Variants in HSPA12A observed in about 807,000 individuals in gnomAD.
The protein encoded by HSPA12A is heat shock 70 kDa protein 12A.
HSPA12A carries 28 observed loss-of-function variants against 69.2 expected under a neutral mutation model. That is an observed-to-expected ratio of 0.40 (90% CI 0.30 to 0.55). HSPA12A has a LOEUF of 0.55. Ranked by LOEUF, HSPA12A falls within the 20% of genes least tolerant of loss-of-function variation. The pLI is 0.38. For synonymous variants in HSPA12A, 345 were observed against 370.5 expected, an observed-to-expected ratio of 0.93 and a Z score of 0.79; for missense variants, 686 against 900.7, an observed-to-expected ratio of 0.76 and a Z score of 3.05.
chr10:116,777,442 C>T (rs1239113577), intron 2 of HSPA12A, among the ~76,000 whole-genome samples: 1 of 152,230 alleles, frequency 6.6e-6, no homozygotes, highest in Non-Finnish European at 1.5e-5. Context: ...CTGGCCTCTT[C>T]CTCCTCCTTC....
chr10:116,803,933 A>G (rs778489317), intron 2 of HSPA12A, among the ~76,000 whole-genome samples: 25 of 152,252 alleles, frequency 1.6e-4, no homozygotes, highest in Middle Eastern at 6.8e-3. Flanking sequence ...AAATAACACA[A>G]TTAAGCCATT....
intron 2 of HSPA12A, among the ~76,000 whole-genome samples, chr10:116,821,350 G>A (rs1466982953): frequency 2.6e-5 from 4 of 151,966 alleles, no homozygotes; most frequent in Admixed American, 6.6e-5. Flanking sequence ...CCCTTCCTTC[G>A]GCCTGGGATG....
chr10:116,718,952 G>A (rs1431457690), intron 1 of HSPA12A, among the ~76,000 whole-genome samples: 1 of 152,034 alleles, frequency 6.6e-6, no homozygotes, highest in Non-Finnish European at 1.5e-5. Flanking sequence ...GAGATTCACT[G>A]AATACTTGCT....
intron 2 of HSPA12A, among the ~76,000 whole-genome samples, chr10:116,813,281 T>C (rs1033148447): frequency 1.0e-4 from 14 of 134,122 alleles, no homozygotes; most frequent in Non-Finnish European, 1.6e-4. Context: ...AGTCTTGCTC[T>C]GTTGCCCATG....
chr10:116,714,603 G>C (rs1323762472), intron 1 of HSPA12A, among the ~76,000 whole-genome samples: 1 of 152,158 alleles, frequency 6.6e-6, no homozygotes, highest in African/African-American at 2.4e-5. Flanking sequence ...CAGATACAGA[G>C]AAAGCCATCT....
At chr10:116,729,925 G>C (rs903142751) in intron 1 of HSPA12A, among the ~76,000 whole-genome samples, 1 of 152,190 alleles carries the variant, frequency 6.6e-6, no homozygotes, top group Non-Finnish European at 1.5e-5. Context: ...TGGGTGTTTT[G>C]AATAATAAAG....
intron 1 of HSPA12A, among the ~76,000 whole-genome samples, chr10:116,847,778 A>C (rs1255454950): frequency 1.3e-5 from 2 of 152,210 alleles, no homozygotes; most frequent in Non-Finnish European, 2.9e-5. Context: ...ACTGAGGCAA[A>C]TGGGTTATAG....
intron 1 of HSPA12A, among the ~76,000 whole-genome samples, chr10:116,738,500 T>C (rs1344675991): frequency 1.3e-5 from 2 of 152,158 alleles, no homozygotes; most frequent in Non-Finnish European, 2.9e-5. Context: ...ATTCACTGGT[T>C]GGGCAAGTTA....
intron 2 of HSPA12A, among the ~76,000 whole-genome samples, chr10:116,777,732 GTTTGT>G (rs1844372618): frequency 6.6e-6 from 1 of 152,192 alleles, no homozygotes; most frequent in South Asian, 2.1e-4. Context: ...AAAATGCTGA[GTTTGT>G]TTTGTTTTGA....
At chr10:116,714,288 G>T (rs1449234166) in intron 1 of HSPA12A, among the ~76,000 whole-genome samples, 7 of 152,100 alleles carry the variant, frequency 4.6e-5, no homozygotes, top group Admixed American at 1.3e-4. Context: ...TACATGCTAT[G>T]CTGAGTGACC....
chr10:116,701,111 G>T lies in HSPA12A; in HGVS notation c.273C>A (p.Asp91Glu), dbSNP rs1850067305. The change falls in exon 4 of 12, where the codon GAC (aspartate) becomes GAA (glutamate). Residue 91 changes from aspartate (D) to glutamate (E), a missense_variant. Asp to Glu is a conservative substitution (Grantham distance 45). Coordinates refer to ENST00000369209, the MANE Select transcript of HSPA12A (RefSeq NM_025015.3). ...IHVMRRWEGGDPGVSNQKTPT... is the reference protein window; with the variant it reads ...IHVMRRWEGGEPGVSNQKTPT... ...GAGTCTTCTGATTGGACACACCAGG[G>T]TCACCTCCCTCCCATCGCCTGCCAC... The T allele has an allele frequency of 3.1e-6, 5 of 1,613,822 alleles. No homozygotes were observed. The highest frequency in any genetic ancestry group is 1.1e-5 in the South Asian group (1 of 91,078).
At position 116,844,411 on chromosome 10, in the gene HSPA12A, A is replaced by G. The variant is rs1245055481; in HGVS notation, c.3+5155T>C. 2.0e-5 allele frequency among the ~76,000 whole-genome samples: 3 copies of G among 152,222 alleles called. No homozygotes were observed. In the East Asian group the frequency reaches 5.8e-4, roughly 29 times the overall value. ...AAAAGCCTCCCCATTTATTAGCCAG[A>G]TAATTCCTACTTTTATTACTTAGCA... is the stretch of plus-strand genomic sequence containing the variant. On this transcript the variant is annotated intron_variant, in intron 1 of 12. Coordinates refer to the HSPA12A transcript ENST00000635765.
chr10:116,744,054 G>A (rs913019260), upstream of HSPA12A, among the ~76,000 whole-genome samples: 45 of 152,130 alleles, frequency 3.0e-4, no homozygotes, highest in African/African-American at 9.9e-4. Context: ...ACGTGCCTGC[G>A]ACAGCCTGCC....
chr10:116,700,851 G>T, intron 4 of HSPA12A, 92 bp downstream of exon 4: 1 of 1,257,310 alleles, frequency 8.0e-7, no homozygotes, highest in Non-Finnish European at 1.1e-6. Flanking sequence ...GGGCCCCCTG[G>T]GTTGGGAGGA....
At chr10:116,807,061 G>A (rs1845084078) in intron 2 of HSPA12A, among the ~76,000 whole-genome samples, 1 of 152,194 alleles carries the variant, frequency 6.6e-6, no homozygotes, top group African/African-American at 2.4e-5. Flanking sequence ...AATGCCTGGA[G>A]CATCCAGAGG....
intron 1 of HSPA12A, among the ~76,000 whole-genome samples, chr10:116,741,971 C>G (rs988214523): frequency 6.6e-6 from 1 of 152,162 alleles, no homozygotes; most frequent in Non-Finnish European, 1.5e-5. Context: ...TTCCCCCAGG[C>G]TCCCACTCCT....
At chr10:116,691,229 T>G (rs1333657439) in intron 6 of HSPA12A, among the ~76,000 whole-genome samples, 6 of 150,272 alleles carry the variant, frequency 4.0e-5, no homozygotes, top group African/African-American at 1.5e-4. Context: ...GGGGAGAGAG[T>G]GCAGGGAGGA....
chr10:116,732,778 C>A (rs1437264064), intron 1 of HSPA12A, among the ~76,000 whole-genome samples: 1 of 152,222 alleles, frequency 6.6e-6, no homozygotes, highest in Non-Finnish European at 1.5e-5. Flanking sequence ...AGGTTTGGAT[C>A]CTTGTGCCGT....
At chr10:116,715,272 T>G (rs1554883638) in intron 1 of HSPA12A, among the ~76,000 whole-genome samples, 1 of 152,222 alleles carries the variant, frequency 6.6e-6, no homozygotes, top group African/African-American at 2.4e-5. Context: ...GGAGACCAAC[T>G]GCGACAGCTT....
Sources: gnomAD v4.1 joint callset for allele counts (sites outside exome capture counted in the v4.1 genomes callset) on GRCh38, gnomAD v4.1.1 for gene constraint, MANE v1.5 for transcripts, NCBI Gene and HGNC (gene_info 2026-07-23, HGNC 2026-07-21) for gene names.